AKAP19: variants seen among roughly 807,000 people sequenced by gnomAD.
The protein encoded by AKAP19 is A-kinase anchoring protein 19.
chr2:190,072,908 A>C, the AKAP19 span, among the ~76,000 whole-genome samples: 1 of 152,154 alleles, frequency 6.6e-6, no homozygotes, highest in Non-Finnish European at 1.5e-5. Context: ...TATGAAAATC[A>C]CACACTCTTT....
chr2:190,109,710 G>C, the AKAP19 span, among the ~76,000 whole-genome samples: 1 of 152,166 alleles, frequency 6.6e-6, no homozygotes, highest in East Asian at 1.9e-4. Context: ...CTCAGGATCT[G>C]CCTGTTTCTA....
chr2:190,109,985 C>T, the AKAP19 span, among the ~76,000 whole-genome samples: 1 of 152,162 alleles, frequency 6.6e-6, no homozygotes, highest in Non-Finnish European at 1.5e-5. Flanking sequence ...TCCCTGAACC[C>T]CAGCTCCAGA....
the AKAP19 span, among the ~76,000 whole-genome samples, chr2:189,997,858 A>G: frequency 6.6e-6 from 1 of 152,086 alleles, no homozygotes; most frequent in Non-Finnish European, 1.5e-5. Flanking sequence ...GTTCGGTTGA[A>G]AGTTTCTTTC....
chr2:190,024,905 A>G, the AKAP19 span, among the ~76,000 whole-genome samples: 1 of 152,170 alleles, frequency 6.6e-6, no homozygotes. Flanking sequence ...GTTGATCTGT[A>G]TTCACTGCTT....
chr2:190,111,943 G>C, the AKAP19 span, among the ~76,000 whole-genome samples: 1 of 152,006 alleles, frequency 6.6e-6, no homozygotes, highest in Non-Finnish European at 1.5e-5. Context: ...TGTCGCCCAG[G>C]CTGGAGTGCA....
the AKAP19 span, among the ~76,000 whole-genome samples, chr2:189,890,502 T>C: frequency 9.2e-5 from 14 of 152,280 alleles, no homozygotes; most frequent in South Asian, 2.9e-3. Flanking sequence ...TTGATCTATC[T>C]AATATTGACA....
chr2:190,085,605 C>T, the AKAP19 span, among the ~76,000 whole-genome samples: 1 of 152,158 alleles, frequency 6.6e-6, no homozygotes, highest in Non-Finnish European at 1.5e-5. Context: ...TGGGCCATTT[C>T]TTTCCTTCAT....
chr2:190,145,043 G>A, the AKAP19 span, among the ~76,000 whole-genome samples: 1 of 152,292 alleles, frequency 6.6e-6, no homozygotes, highest in East Asian at 1.9e-4. Flanking sequence ...CCAGCACTTT[G>A]AGAGGCTAAG....
chr2:190,120,140 G>A, the AKAP19 span, among the ~76,000 whole-genome samples: 3 of 152,298 alleles, frequency 2.0e-5, no homozygotes, highest in Admixed American at 6.5e-5. Flanking sequence ...TTTACAGCCT[G>A]AGCTCTACTT....
the AKAP19 span, chr2:189,917,350 T>C: frequency 2.3e-5 from 28 of 1,220,502 alleles, no homozygotes; most frequent in East Asian, 4.8e-5. Context: ...TATAATGCAA[T>C]AGTATTTTAG....
the AKAP19 span, among the ~76,000 whole-genome samples, chr2:189,965,499 A>G: frequency 6.6e-6 from 1 of 152,184 alleles, no homozygotes; most frequent in Non-Finnish European, 1.5e-5. Flanking sequence ...ACATGAATAG[A>G]AAATTCTCAA....
chr2:190,130,338 T>A, the AKAP19 span, among the ~76,000 whole-genome samples: 1 of 152,222 alleles, frequency 6.6e-6, no homozygotes, highest in Non-Finnish European at 1.5e-5. Context: ...GAAAGTTAGA[T>A]GTTGGGAACA....
chr2:189,980,022 A>G, the AKAP19 span, among the ~76,000 whole-genome samples: 3 of 152,320 alleles, frequency 2.0e-5, no homozygotes, highest in African/African-American at 7.2e-5. Context: ...TTTCTCAAAG[A>G]GCTTAGAACT....
the AKAP19 span, among the ~76,000 whole-genome samples, chr2:190,044,944 C>T: frequency 6.6e-6 from 1 of 152,220 alleles, no homozygotes; most frequent in South Asian, 2.1e-4. Flanking sequence ...GATCCAGGAC[C>T]CTCTTACAAA....
the AKAP19 span, among the ~76,000 whole-genome samples, chr2:189,920,760 G>A: frequency 0.7 from 107,156 of 152,084 alleles, 42,543 homozygotes; most frequent in Non-Finnish European, 0.89. Context: ...AAGAAGGAAT[G>A]GAAGAATAAT....
At chr2:190,173,766 T>A in the AKAP19 span, among the ~76,000 whole-genome samples, 1 of 152,250 alleles carries the variant, frequency 6.6e-6, no homozygotes, top group African/African-American at 2.4e-5. Context: ...TTTAGCCTGT[T>A]AACTTCCTTT....
chr2:189,949,406 G>A, the AKAP19 span, among the ~76,000 whole-genome samples: 11 of 151,798 alleles, frequency 7.2e-5, no homozygotes, highest in South Asian at 1.7e-3. Flanking sequence ...GCACAGTGGC[G>A]GGCACCTGTA....
At chr2:189,937,460 C>T in the AKAP19 span, among the ~76,000 whole-genome samples, 1 of 151,898 alleles carries the variant, frequency 6.6e-6, no homozygotes, top group Non-Finnish European at 1.5e-5. Flanking sequence ...AACAAGAGAG[C>T]ACCGAGATCA....
the AKAP19 span, among the ~76,000 whole-genome samples, chr2:189,890,436 T>G: frequency 4.6e-5 from 7 of 152,168 alleles, no homozygotes; most frequent in Non-Finnish European, 1.0e-4. Context: ...CTATTAGGTC[T>G]GTTTGGTCCA....
Sources: gnomAD v4.1 joint callset for allele counts (sites outside exome capture counted in the v4.1 genomes callset) on GRCh38, gnomAD v4.1.1 for gene constraint, MANE v1.5 for transcripts, NCBI Gene and HGNC (gene_info 2026-07-23, HGNC 2026-07-21) for gene names.